LHFPL3: variants seen among roughly 807,000 people sequenced by gnomAD.
LHFPL3 encodes LHFPL tetraspan subfamily member 3.
Under a neutral mutation model 19.3 loss-of-function variants are expected in LHFPL3, and 5 were observed. The ratio of observed to expected loss-of-function variants is 0.26; its 90% CI spans 0.14 to 0.54. The LOEUF (loss-of-function observed/expected upper bound fraction) is 0.54. Among genes scored for constraint, LHFPL3 ranks in the 20% least tolerant of loss-of-function variants. The probability of loss-of-function intolerance (pLI) is 0.94; values close to 1 mark genes in which losing one functional copy is unlikely to be tolerated. For synonymous variants in LHFPL3, 133 were observed against 126.2 expected (o/e 1.05, Z -0.36); for missense variants, 249 against 307.4 (o/e 0.81, Z 1.42).
intron 2 of LHFPL3, among the ~76,000 whole-genome samples, chr7:104,891,920 T>C (rs1445562553): frequency 1.3e-5 from 2 of 152,232 alleles, no homozygotes; most frequent in Admixed American, 6.5e-5. Flanking sequence ...AGGATCTCAC[T>C]AGACTCAGTG....
chr7:104,743,045 T>G (rs1314294426), intron 2 of LHFPL3, among the ~76,000 whole-genome samples: 1 of 152,064 alleles, frequency 6.6e-6, no homozygotes, highest in African/African-American at 2.4e-5. Context: ...CTCTTGAACC[T>G]GGGAGGCAGA....
intron 2 of LHFPL3, among the ~76,000 whole-genome samples, chr7:104,835,230 T>C (rs968426887): frequency 1.3e-5 from 2 of 151,970 alleles, no homozygotes; most frequent in African/African-American, 4.9e-5. Flanking sequence ...ATGAGTTAAT[T>C]CTCATAAAGT....
chr7:104,902,721 G>A (rs1211037087), intron 2 of LHFPL3, among the ~76,000 whole-genome samples: 1 of 152,178 alleles, frequency 6.6e-6, no homozygotes, highest in East Asian at 1.9e-4. Context: ...GGGAGGCGGA[G>A]GTTACAGTGA....
chr7:104,338,107 T>G (rs1158180021), intron 1 of LHFPL3, among the ~76,000 whole-genome samples: 3 of 140,244 alleles, frequency 2.1e-5, no homozygotes, highest in African/African-American at 7.9e-5. Context: ...TTTTTTTTTT[T>G]TTTTTTTTTG....
At chr7:104,596,671 T>G (rs1463754976) in intron 1 of LHFPL3, among the ~76,000 whole-genome samples, 1 of 152,226 alleles carries the variant, frequency 6.6e-6, no homozygotes, top group East Asian at 1.9e-4. Flanking sequence ...CATACCTGCC[T>G]TGGTAGTCAC....
At chr7:104,887,752 G>A (rs1005130329) in intron 2 of LHFPL3, among the ~76,000 whole-genome samples, 1 of 152,214 alleles carries the variant, frequency 6.6e-6, no homozygotes, top group Non-Finnish European at 1.5e-5. Context: ...TCTAAGAATG[G>A]ACGTTCTCTT....
At chr7:104,860,237 GC>G (rs1408502843) in intron 2 of LHFPL3, among the ~76,000 whole-genome samples, 26 of 151,160 alleles carry the variant, frequency 1.7e-4, no homozygotes, top group Admixed American at 8.5e-4. Flanking sequence ...TTTCTCTCAG[GC>G]CTGTTGTGCA....
chr7:104,718,743 T>C (rs2116239857), intron 1 of LHFPL3, among the ~76,000 whole-genome samples: 1 of 152,326 alleles, frequency 6.6e-6, no homozygotes, highest in Middle Eastern at 3.4e-3. Context: ...AAATTTATTA[T>C]CAAAATGAAT....
chr7:104,609,506 T>C (rs1791172711), intron 1 of LHFPL3, among the ~76,000 whole-genome samples: 1 of 152,108 alleles, frequency 6.6e-6, no homozygotes, highest in South Asian at 2.1e-4. Context: ...TTGAGCACAA[T>C]AAGAGGGCTC....
chr7:104,481,158 T>G (rs974661545), intron 1 of LHFPL3, among the ~76,000 whole-genome samples: 1 of 152,202 alleles, frequency 6.6e-6, no homozygotes, highest in Admixed American at 6.5e-5. Flanking sequence ...TGTACTTCAG[T>G]GTTTGTGCCA....
At chr7:104,553,246 C>A (rs980324359) in intron 1 of LHFPL3, among the ~76,000 whole-genome samples, 2 of 152,132 alleles carry the variant, frequency 1.3e-5, no homozygotes, top group African/African-American at 4.8e-5. Context: ...TCTTAGAGTT[C>A]ACACCCTTTG....
chr7:104,773,114 C>G (rs1293735265), intron 2 of LHFPL3, among the ~76,000 whole-genome samples: 4 of 152,318 alleles, frequency 2.6e-5, no homozygotes, highest in East Asian at 1.9e-4. Context: ...AGTGGCCCAG[C>G]CTCGTTGTCA....
intron 1 of LHFPL3, among the ~76,000 whole-genome samples, chr7:104,514,068 C>T (rs1339865416): frequency 6.6e-6 from 1 of 152,114 alleles, no homozygotes; most frequent in Non-Finnish European, 1.5e-5. Context: ...TGGTTATTAG[C>T]TCTCTTAACA....
At position 104,854,861 on chromosome 7, in the gene LHFPL3, C is replaced by CA. The variant is rs200324573; in HGVS notation, c.683-51317dup. ...AGCACCTTGGCCCTTCCTCCCAGGT[C>CA]AAAAAAAAACTATATATAAAGTGAG... On this transcript the variant is annotated intron_variant, in intron 2 of 2. Coordinates refer to ENST00000424859, the MANE Select transcript of LHFPL3 (RefSeq NM_199000.3). Among the ~76,000 whole-genome samples the CA allele has an allele frequency of 4.5e-3, 672 of 150,770 alleles. 4 individuals are homozygous for CA. The highest frequency in any genetic ancestry group is 0.016 in the African/African-American group (641 of 41,168).
At position 104,328,738 on chromosome 7, in the gene LHFPL3, CGGAGGACCAGGAGGAGGA is replaced by C. The variant is rs1801510567; in HGVS notation, c.-35_-18del. ...CTGCGCGCTGAGAGGCGGGGGGAGG[CGGAGGACCAGGAGGAGGA>C]GGAGGAGGAGGAGGAGGGGGAGAAT... is the stretch of plus-strand genomic sequence containing the variant. On this transcript the variant is annotated 5_prime_UTR_variant, in exon 1 of 3. Coordinates refer to ENST00000424859, the MANE Select transcript of LHFPL3 (RefSeq NM_199000.3). The surrounding 1 kb of genome is among the most constrained non-coding windows in gnomAD (Gnocchi z 4.6). The C allele has an allele frequency of 1.3e-6, 2 of 1,497,622 alleles. No homozygotes were observed. Among genetic ancestry groups the C allele is most frequent in the African/African-American group, 1.5e-5 (1 of 67,160 alleles). The allele number at this position is 1,497,622 out of a possible 1,614,324, so 92.8% of individuals were successfully genotyped here.
chr7:104,335,989 G>A (rs1355949742), intron 1 of LHFPL3, among the ~76,000 whole-genome samples: 1 of 152,084 alleles, frequency 6.6e-6, no homozygotes, highest in Non-Finnish European at 1.5e-5. Flanking sequence ...ACATTGGCAC[G>A]AAGCAAATAA....
intron 1 of LHFPL3, among the ~76,000 whole-genome samples, chr7:104,535,642 G>A (rs967793532): frequency 6.6e-5 from 10 of 152,182 alleles, no homozygotes; most frequent in Non-Finnish European, 1.3e-4. Context: ...AGAAAACTGT[G>A]ATTTGTTGTT....
intron 1 of LHFPL3, among the ~76,000 whole-genome samples, chr7:104,527,586 T>C (rs1268781039): frequency 6.6e-6 from 1 of 152,070 alleles, no homozygotes; most frequent in Non-Finnish European, 1.5e-5. Context: ...AATTGGACAA[T>C]AGGTCAGTTC....
chr7:104,533,358 C>G (rs1171697663), intron 1 of LHFPL3, among the ~76,000 whole-genome samples: 2 of 152,176 alleles, frequency 1.3e-5, no homozygotes, highest in African/African-American at 4.8e-5. Context: ...TATCCATTTA[C>G]AGTTCCCCAC....
Sources: allele counts gnomAD v4.1 joint callset (sites outside exome capture counted in the v4.1 genomes callset), GRCh38; gene constraint gnomAD v4.1.1; non-coding constraint Gnocchi (gnomAD v3.1); transcripts MANE v1.5; gene names NCBI Gene and HGNC (gene_info 2026-07-23, HGNC 2026-07-21).